Variants in CUL5 observed in about 807,000 individuals in gnomAD.
CUL5 encodes the protein cullin-5.
Under a neutral mutation model 108.8 loss-of-function variants are expected in CUL5, and 26 were observed. The observed-to-expected ratio is 0.24, with a 90% CI of 0.18 to 0.33. The LOEUF (loss-of-function observed/expected upper bound fraction) is 0.33. Ranked by LOEUF, CUL5 falls within the 10% of genes least tolerant of loss-of-function variation. The pLI is 1.00. For synonymous variants in CUL5, 334 were observed against 298.0 expected, an observed-to-expected ratio of 1.12 and a Z score of -1.25; for missense variants, 524 against 909.2, an observed-to-expected ratio of 0.58 and a Z score of 5.45.
intron 1 of CUL5, among the ~76,000 whole-genome samples, chr11:108,025,298 G>T (rs1862427295): frequency 6.6e-6 from 1 of 151,716 alleles, no homozygotes; most frequent in African/African-American, 2.4e-5. Context: ...TTTTTGTCTT[G>T]GTGATAGTTT....
At chr11:108,016,418 C>T (rs1862192579) in intron 1 of CUL5, among the ~76,000 whole-genome samples, 1 of 152,052 alleles carries the variant, frequency 6.6e-6, no homozygotes, top group African/African-American at 2.4e-5. Flanking sequence ...GCATTCCCAG[C>T]TCATTTAAAA....
chr11:108,090,500 AAAAT>A (rs1864324907), intron 13 of CUL5, among the ~76,000 whole-genome samples: 1 of 149,480 alleles, frequency 6.7e-6, no homozygotes, highest in Admixed American at 6.6e-5. Context: ...CAAGAAAAAT[AAAAT>A]AAATAAATAG....
chr11:108,035,946 A>C (rs1327266047), intron 2 of CUL5, among the ~76,000 whole-genome samples: 1 of 152,100 alleles, frequency 6.6e-6, no homozygotes, highest in Admixed American at 6.6e-5. Context: ...GGCAGCAGTA[A>C]AGCCAAGATA....
rs1864832494 is a variant in CUL5, at chr11:108,107,620, G to C, written c.*3236G>C. On this transcript the variant is annotated 3_prime_UTR_variant, in exon 19 of 19. Transcript: ENST00000393094. ...TTGAATGTGTGCCACTACATACTGA[G>C]ATGATAATGCTGTACAATTTTAAGT... 1 of 152,660 alleles carries C rather than the reference G, an allele frequency of 6.6e-6. No homozygotes were observed. 9.5% of individuals were successfully genotyped at this position (152,660 alleles called of 1,614,324 possible).
chr11:108,091,695 T>TCTCACACA (rs1555024093), intron 13 of CUL5, among the ~76,000 whole-genome samples: 1 of 138,098 alleles, frequency 7.2e-6, no homozygotes, highest in African/African-American at 2.8e-5. Context: ...TCTCTCTCAC[T>TCTCACACA]CACACACACA....
intron 7 of CUL5, among the ~76,000 whole-genome samples, chr11:108,061,891 G>T (rs1445907303): frequency 4.8e-5 from 7 of 146,126 alleles, no homozygotes; most frequent in Admixed American, 1.3e-4. Flanking sequence ...TTATGTGGCA[G>T]CAGGAGAGAG....
intron 18 of CUL5, among the ~76,000 whole-genome samples, chr11:108,099,179 AT>A (rs1164248766): frequency 6.6e-6 from 1 of 151,856 alleles, no homozygotes; most frequent in African/African-American, 2.4e-5. Context: ...TAATTTTTGT[AT>A]TTTTAGTGGA....
In CUL5 at chr11:108,072,329, C is replaced by T. The variant is rs1160103832; in HGVS notation, c.875-3C>T. 1.3e-6 allele frequency: 2 copies of T among 1,591,484 alleles called. No individual in the cohort carries two copies. Among genetic ancestry groups the T allele is most frequent in the Admixed American group, 1.8e-5 (1 of 56,764 alleles). On this transcript the variant is annotated splice_polypyrimidine_tract_variant and splice_region_variant and intron_variant, in intron 8 of 18. Coordinates refer to ENST00000393094, the MANE Select transcript of CUL5 (RefSeq NM_003478.6). Reference sequence around the variant, plus strand: ...ATTACATGAATGTGTTCTCTCCTTCCAGAATTACATTTAATGTTTTCATTG... The same window carrying T: ...ATTACATGAATGTGTTCTCTCCTTCTAGAATTACATTTAATGTTTTCATTG...
intron 11 of CUL5, among the ~76,000 whole-genome samples, chr11:108,081,667 G>T (rs1348822558): frequency 6.6e-6 from 1 of 152,096 alleles, no homozygotes; most frequent in Non-Finnish European, 1.5e-5. Flanking sequence ...CAGGAGAATG[G>T]TGTGAACCTG....
At chr11:108,057,205 A>T (rs1299573121) in intron 7 of CUL5, among the ~76,000 whole-genome samples, 1 of 152,178 alleles carries the variant, frequency 6.6e-6, no homozygotes, top group East Asian at 1.9e-4. Context: ...CTAATTTTTT[A>T]TTTTTTGAGA....
intron 10 of CUL5, among the ~76,000 whole-genome samples, chr11:108,075,888 C>T (rs903769723): frequency 6.6e-6 from 1 of 152,156 alleles, no homozygotes; most frequent in Non-Finnish European, 1.5e-5. Context: ...GCCCTGTCAT[C>T]TCACTGGTGA....
chr11:108,022,683 C>G (rs1243305598), intron 1 of CUL5, among the ~76,000 whole-genome samples: 3 of 152,154 alleles, frequency 2.0e-5, no homozygotes, highest in Admixed American at 2.0e-4. Flanking sequence ...ATCCACCCTC[C>G]CTCCTTGGTC....
chr11:108,091,691 T>TCACCCACACACACACACACA (rs1170721478), intron 13 of CUL5, among the ~76,000 whole-genome samples: 1 of 59,764 alleles, frequency 1.7e-5, no homozygotes, highest in African/African-American at 8.0e-5. Context: ...CCTGTCTCTC[T>TCACCCACACACACACACACA]CACTCACACA....
In CUL5 at chr11:108,072,370, A is replaced by G. The variant is rs779973742; in HGVS notation, c.913A>G (p.Asn305Asp). Residue 305 changes from asparagine to aspartate, a missense_variant, in exon 9 of 19, where the codon AAT becomes GAT. Transcript: ENST00000393094. ...GTTTTCATTGATGGACAAAGTTCCT[A>G]ATGGTATAGAGCCAATGTTGAAAGA... The part of the protein sequence containing the change: ...LMFSLMDKVP[N>D]GIEPMLKDLE... 1.9e-6 allele frequency: 3 copies of G among 1,610,390 alleles called. No individual in the cohort carries two copies. Among genetic ancestry groups the G allele is most frequent in the Non-Finnish European group, 2.5e-6 (3 of 1,177,712 alleles).
intron 2 of CUL5, among the ~76,000 whole-genome samples, chr11:108,041,686 G>A (rs1396703975): frequency 6.6e-6 from 1 of 151,910 alleles, no homozygotes; most frequent in East Asian, 1.9e-4. Context: ...TGCCTCCTGA[G>A]TTCAAGCGAT....
intron 8 of CUL5, 70 bp downstream of exon 8, chr11:108,070,259 A>C (rs1022531257): frequency 1.8e-6 from 2 of 1,084,506 alleles, no homozygotes; most frequent in Non-Finnish European, 1.4e-6. Flanking sequence ...TCACTTACTA[A>C]GTTGCTCTTA....
chr11:108,088,955 G>T (rs1004562917), intron 12 of CUL5, among the ~76,000 whole-genome samples: 29 of 152,104 alleles, frequency 1.9e-4, no homozygotes, highest in Non-Finnish European at 3.7e-4. Context: ...TGGAATGATA[G>T]TTGACAGATT....
intron 7 of CUL5, among the ~76,000 whole-genome samples, chr11:108,059,435 C>T (rs937530165): frequency 1.3e-5 from 2 of 152,118 alleles, no homozygotes; most frequent in East Asian, 3.9e-4. Context: ...TCAGAATGAC[C>T]AGGGCACCGA....
intron 1 of CUL5, among the ~76,000 whole-genome samples, chr11:108,013,387 A>G (rs1862100998): frequency 6.6e-6 from 1 of 152,196 alleles, no homozygotes; most frequent in Non-Finnish European, 1.5e-5. Flanking sequence ...TTCTCACCAT[A>G]TCACTTTCCT....
Sources: allele counts gnomAD v4.1 joint callset (sites outside exome capture counted in the v4.1 genomes callset), GRCh38; gene constraint gnomAD v4.1.1; transcripts MANE v1.5; gene names NCBI Gene and HGNC (gene_info 2026-07-23, HGNC 2026-07-21).